Variants in CSMD1 observed in about 807,000 individuals in gnomAD.
The protein encoded by CSMD1 is CUB and Sushi multiple domains 1.
A neutral mutation model predicts 417.5 loss-of-function variants in CSMD1; 213 were observed. The ratio of observed to expected loss-of-function variants is 0.51; its 90% confidence interval spans 0.46 to 0.57. The LOEUF is 0.57. Ranked by LOEUF, CSMD1 falls within the 20% of genes least tolerant of loss-of-function variation. CSMD1 has a pLI of 0.00. For synonymous variants in CSMD1, 2,862 were observed against 1,736.8 expected (o/e 1.65, Z -16.11); for missense variants, 6,923 against 4,529.7 (o/e 1.53, Z -15.17).
chr8:4,206,214 CT>C (rs529827777), intron 3 of CSMD1, among the ~76,000 whole-genome samples: 1 of 151,932 alleles, frequency 6.6e-6, no homozygotes, highest in Non-Finnish European at 1.5e-5. Flanking sequence ...TTTTTAAATA[CT>C]TTAAGTTCTA....
chr8:4,334,065 G>C (rs996311744), intron 3 of CSMD1, among the ~76,000 whole-genome samples: 1 of 151,254 alleles, frequency 6.6e-6, no homozygotes, highest in Non-Finnish European at 1.5e-5. Context: ...CATTAATTAT[G>C]ATGATGATGA....
intron 5 of CSMD1, among the ~76,000 whole-genome samples, chr8:3,811,768 G>A (rs1165043980): frequency 6.6e-6 from 1 of 152,120 alleles, no homozygotes; most frequent in Non-Finnish European, 1.5e-5. Context: ...GACAATAGCT[G>A]AGTGAGAGAT....
chr8:4,037,931 T>C (rs1331974703), intron 3 of CSMD1, among the ~76,000 whole-genome samples: 2 of 152,108 alleles, frequency 1.3e-5, no homozygotes, highest in South Asian at 2.1e-4. Flanking sequence ...GAAAAAAAGT[T>C]TTTCAAAATT....
chr8:4,914,255 G>T (rs757235892), intron 1 of CSMD1, among the ~76,000 whole-genome samples: 7 of 152,136 alleles, frequency 4.6e-5, no homozygotes, highest in Non-Finnish European at 1.0e-4. Context: ...TGAGTGTGCA[G>T]AGGAAATAGA....
At chr8:3,301,340 A>C (rs1804391855) in intron 25 of CSMD1, among the ~76,000 whole-genome samples, 1 of 152,142 alleles carries the variant, frequency 6.6e-6, no homozygotes, top group African/African-American at 2.4e-5. Flanking sequence ...GGGAGGCTTC[A>C]GATGGGGTCT....
chr8:3,092,200 T>G (rs1172846248), intron 47 of CSMD1, among the ~76,000 whole-genome samples: 1 of 152,078 alleles, frequency 6.6e-6, no homozygotes, highest in African/African-American at 2.4e-5. Flanking sequence ...ATTTGGAGTT[T>G]TAAAAAAAGA....
intron 25 of CSMD1, among the ~76,000 whole-genome samples, chr8:3,300,681 G>T (rs1804322562): frequency 6.6e-6 from 1 of 152,036 alleles, no homozygotes; most frequent in African/African-American, 2.4e-5. Flanking sequence ...AAATGGCCAG[G>T]CCTGGTGGCT....
At chr8:4,229,706 T>C (rs1801588962) in intron 3 of CSMD1, among the ~76,000 whole-genome samples, 1 of 152,082 alleles carries the variant, frequency 6.6e-6, no homozygotes, top group African/African-American at 2.4e-5. Flanking sequence ...CTCAGCCCCT[T>C]CCTCTTGCTT....
chr8:4,146,136 C>A (rs945987949), intron 3 of CSMD1, among the ~76,000 whole-genome samples: 4 of 147,966 alleles, frequency 2.7e-5, no homozygotes, highest in Middle Eastern at 3.4e-3. Flanking sequence ...TCAGAGCCTA[C>A]ATATGATGGG....
At chr8:4,417,896 G>C (rs1318767585) in intron 3 of CSMD1, among the ~76,000 whole-genome samples, 2 of 152,010 alleles carry the variant, frequency 1.3e-5, no homozygotes, top group South Asian at 2.1e-4. Flanking sequence ...GTTGTCTAAA[G>C]TTTATGTGTA....
chr8:4,394,208 C>G (rs1053499790), intron 3 of CSMD1, among the ~76,000 whole-genome samples: 4 of 152,066 alleles, frequency 2.6e-5, no homozygotes, highest in African/African-American at 7.2e-5. Context: ...AGACAAGTGC[C>G]TAGGTCTTAG....
intron 6 of CSMD1, among the ~76,000 whole-genome samples, chr8:3,750,951 A>T (rs1440239972): frequency 6.6e-6 from 1 of 152,062 alleles, no homozygotes; most frequent in East Asian, 1.9e-4. Flanking sequence ...GCCCTCTAAG[A>T]TTCCTCACAT....
intron 54 of CSMD1, among the ~76,000 whole-genome samples, chr8:2,989,580 G>A (rs940746885): frequency 1.3e-5 from 2 of 152,166 alleles, no homozygotes; most frequent in Non-Finnish European, 2.9e-5. Context: ...CATTAATCCT[G>A]AAGAGTTTAA....
chr8:4,373,679 CTTTAA>C (rs1176348074), intron 3 of CSMD1, among the ~76,000 whole-genome samples: 5 of 152,090 alleles, frequency 3.3e-5, no homozygotes, highest in Middle Eastern at 6.8e-3. Flanking sequence ...AAACGTTTCA[CTTTAA>C]TTTAATTAGA....
intron 7 of CSMD1, among the ~76,000 whole-genome samples, chr8:3,692,665 T>G (rs1363663438): frequency 1.3e-5 from 2 of 152,118 alleles, no homozygotes; most frequent in African/African-American, 2.4e-5. Context: ...ACCCCTGACC[T>G]CAAATGATCT....
intron 5 of CSMD1, among the ~76,000 whole-genome samples, chr8:3,787,493 G>T (rs1344825490): frequency 6.6e-6 from 1 of 152,044 alleles, no homozygotes; most frequent in African/African-American, 2.4e-5. Context: ...TCAAAAAAAT[G>T]ACAGCTTATC....
chr8:3,689,829 A>C (rs1489539171), intron 7 of CSMD1, among the ~76,000 whole-genome samples: 2 of 152,224 alleles, frequency 1.3e-5, no homozygotes, highest in Non-Finnish European at 2.9e-5. Flanking sequence ...ATTCCAAACT[A>C]CTGGGCTCAG....
chr8:2,973,545 AACG>A (rs1231268026), intron 56 of CSMD1, among the ~76,000 whole-genome samples: 1 of 152,160 alleles, frequency 6.6e-6, no homozygotes, highest in Non-Finnish European at 1.5e-5. Context: ...TGTGAGAATA[AACG>A]ACGTTTCCTT....
chr8:4,718,123 G>A (rs991247587), intron 1 of CSMD1, among the ~76,000 whole-genome samples: 3 of 152,026 alleles, frequency 2.0e-5, no homozygotes, highest in Non-Finnish European at 4.4e-5. Flanking sequence ...ACAGGCACAT[G>A]CCACCATGCC....
Sources: gnomAD v4.1 joint callset for allele counts (sites outside exome capture counted in the v4.1 genomes callset) on GRCh38, gnomAD v4.1.1 for gene constraint, MANE v1.5 for transcripts, NCBI Gene and HGNC (gene_info 2026-07-23, HGNC 2026-07-21) for gene names.